The following SLC20A2 variants were observed in gnomAD, a reference collection of about 807,000 sequenced individuals.
SLC20A2 encodes solute carrier family 20 member 2, also known as sodium-dependent phosphate transporter 2.
SLC20A2 carries 30 observed loss-of-function variants against 61.0 expected under a neutral mutation model. The ratio of observed to expected loss-of-function variants is 0.49; its 90% CI spans 0.37 to 0.67. SLC20A2 has a LOEUF of 0.67. Ranked by LOEUF, SLC20A2 falls within the 30% of genes least tolerant of loss-of-function variation. The pLI, the probability that SLC20A2 is intolerant of heterozygous loss-of-function variation, is 0.00. For missense variants in SLC20A2, 626 were observed against 866.4 expected (o/e 0.72, Z 3.48); for synonymous variants, 351 against 353.3 (o/e 0.99, Z 0.07).
intron 1 of SLC20A2, among the ~76,000 whole-genome samples, chr8:42,534,471 T>C (rs1174494456): frequency 6.6e-6 from 1 of 152,130 alleles, no homozygotes; most frequent in Admixed American, 6.6e-5. Flanking sequence ...CATTTCCACC[T>C]AGAATATGAG....
In SLC20A2 at chr8:42,422,477, C is replaced by T. The variant is rs537426388; in HGVS notation, c.1795-4510G>A. Among the ~76,000 whole-genome samples the T allele has an allele frequency of 1.6e-4, 25 of 152,192 alleles. No homozygotes were observed. The East Asian group carries it at 3.3e-3, about 20-fold the overall frequency. ...TTTGGTATTAGGGTTATTCAGTGTA[C>T]GCCATAGCACAAATGGGAGAGGTTT... On this transcript the variant is annotated intron_variant, in intron 10 of 10. Coordinates refer to ENST00000520262, the MANE Select transcript of SLC20A2 (RefSeq NM_001257180.2).
In SLC20A2 at chr8:42,417,675, G is replaced by C. The variant is rs1478146261; in HGVS notation, c.*128C>G. On this transcript the variant is annotated 3_prime_UTR_variant, in exon 11 of 11. Coordinates refer to ENST00000520262, the MANE Select transcript of SLC20A2 (RefSeq NM_001257180.2). ...GTGTGGGATGGAGCCTCCTGGAAGG[G>C]AGGCAGAGAGCTGGTCATGAGAGAG... The C allele has an allele frequency of 3.0e-6, 3 of 1,004,022 alleles. No individual in the cohort carries two copies. The highest frequency in any genetic ancestry group is 2.3e-5 in the Admixed American group (1 of 44,180). 62.2% of individuals were successfully genotyped at this position (1,004,022 alleles called of 1,614,324 possible). A position where few individuals can be genotyped will look rare whatever the true frequency, so the allele number is the denominator to read the frequency against.
intron 1 of SLC20A2, among the ~76,000 whole-genome samples, chr8:42,513,909 G>C (rs1248967730): frequency 6.6e-6 from 1 of 152,160 alleles, no homozygotes; most frequent in African/African-American, 2.4e-5. Context: ...AGGCTCAGGG[G>C]TAGGAAACCA....
chr8:42,429,983 G>C, intron 9 of SLC20A2, 81 bp downstream of exon 9: 3 of 1,280,076 alleles, frequency 2.3e-6, no homozygotes, highest in Non-Finnish European at 3.2e-6. Context: ...TGCTGAGCAG[G>C]CCGTTCAGAC....
At chr8:42,511,481 G>C (rs932533390) in intron 1 of SLC20A2, among the ~76,000 whole-genome samples, 8 of 152,040 alleles carry the variant, frequency 5.3e-5, no homozygotes, top group African/African-American at 1.9e-4. Flanking sequence ...ACAAAAATTA[G>C]CTGGGCGTGG....
In SLC20A2 at chr8:42,460,542, G is replaced by A. The variant is rs537808902; in HGVS notation, c.517-550C>T. On this transcript the variant is annotated intron_variant, in intron 4 of 10. Coordinates refer to ENST00000520262, the MANE Select transcript of SLC20A2 (RefSeq NM_001257180.2). ...ATGTTACCATGTGCTATGAATTTCC[G>A]AATCTTTTCCCAAGGTATAGTATTT... is the stretch of plus-strand genomic sequence containing the variant. 7.2e-5 allele frequency among the ~76,000 whole-genome samples: 11 copies of A among 152,264 alleles called. No homozygotes were observed. The South Asian group carries it at 1.2e-3, about 17-fold the overall frequency.
rs972531844 is a variant in SLC20A2 at position 42,437,558 on chromosome 8, G to C, written c.954C>G (p.Thr318=). 4.4e-6 allele frequency: 7 copies of C among 1,608,560 alleles called. No homozygotes were observed. The Admixed American group carries it at 6.8e-5, about 16-fold the overall frequency. The change falls in exon 8 of 11, where the codon ACC becomes ACG. Residue 318 remains threonine (T), a synonymous_variant. Transcript: ENST00000520262. The surrounding 1 kb of genome is among the most constrained non-coding windows in gnomAD (Gnocchi z 6.4). ...RAAYGRALSM[T]HGSVKSPISN... ...AGATGGGCGATTTCACAGAGCCATG[G>C]GTCATGGACAGTGCTCTTCCTGAAA...
Position 42,472,384 on chromosome 8 carries a change from T to C in SLC20A2, c.7A>G (p.Met3Val), listed in dbSNP as rs1586141141. 1 of 1,608,536 alleles carries C rather than the reference T, an allele frequency of 6.2e-7. No homozygotes were observed. The change falls in exon 2 of 11, where the codon ATG becomes GTG. Residue 3 changes from methionine to valine, a missense_variant. Around this residue, in one of 3 missense-constraint regions of SLC20A2, gnomAD observed 127 missense variants for 215.4 expected, o/e 0.59. Transcript: ENST00000520262. This position sits in a 1 kb window ranked among gnomAD's most constrained non-coding sequence, Gnocchi z 4.1. ...ATGACCATCCACAAATACTCATCCA[T>C]GGCCATTTTGGAAAGTGGGTGCCGG... MAMDEYLWMVILG... is the reference protein window; with the variant it reads MAVDEYLWMVILG...
intron 10 of SLC20A2, among the ~76,000 whole-genome samples, chr8:42,418,698 C>A (rs1370795511): frequency 6.7e-6 from 1 of 150,360 alleles, no homozygotes; most frequent in Non-Finnish European, 1.5e-5. Context: ...TGGATTTTGG[C>A]TTTAAAAATA....
At chr8:42,473,512 C>T (rs890898719) in intron 1 of SLC20A2, among the ~76,000 whole-genome samples, 18 of 152,182 alleles carry the variant, frequency 1.2e-4, no homozygotes, top group Admixed American at 7.9e-4. Context: ...ACAGCTCCCT[C>T]CTCCCTGCAT....
chr8:42,459,840 T>C, intron 5 of SLC20A2, 56 bp downstream of exon 5: 1 of 1,126,266 alleles, frequency 8.9e-7, no homozygotes, highest in Non-Finnish European at 1.3e-6. Flanking sequence ...AATAAACTGA[T>C]ACTGTTAGAA....
chr8:42,518,234 C>A (rs1811439412), intron 1 of SLC20A2, among the ~76,000 whole-genome samples: 1 of 152,178 alleles, frequency 6.6e-6, no homozygotes, highest in Non-Finnish European at 1.5e-5. Context: ...GCCACCACGC[C>A]CAGACAACTT....
At chr8:42,490,691 T>C (rs1017008846) in intron 1 of SLC20A2, among the ~76,000 whole-genome samples, 6 of 152,114 alleles carry the variant, frequency 3.9e-5, no homozygotes, top group African/African-American at 1.4e-4. Flanking sequence ...AAAGATGAGG[T>C]GGAAACCAAA....
chr8:42,459,235 C>CAAAAAAAAAAAAAAA (rs756966778), intron 5 of SLC20A2, among the ~76,000 whole-genome samples: 78 of 35,946 alleles, frequency 2.2e-3, no homozygotes, highest in Non-Finnish European at 4.2e-3. Context: ...GACTCTATCT[C>CAAAAAAAAAAAAAAA]AAAAAAAAAA....
At chr8:42,450,180 A>AT (rs1805525897) in intron 5 of SLC20A2, among the ~76,000 whole-genome samples, 1 of 151,368 alleles carries the variant, frequency 6.6e-6, no homozygotes, top group South Asian at 2.1e-4. Flanking sequence ...ATAAGTAAAA[A>AT]ATATATATAT....
chr8:42,446,516 G>C (rs1805226565), intron 5 of SLC20A2, among the ~76,000 whole-genome samples: 1 of 152,222 alleles, frequency 6.6e-6, no homozygotes, highest in Non-Finnish European at 1.5e-5. Flanking sequence ...TTATGAAAAT[G>C]TGAAGTAATT....
At chr8:42,465,552 G>T (rs533600453) in intron 3 of SLC20A2, among the ~76,000 whole-genome samples, 1 of 151,710 alleles carries the variant, frequency 6.6e-6, no homozygotes, top group Non-Finnish European at 1.5e-5. Context: ...ATTAGCAGGC[G>T]TGGTAGGAGG....
At chr8:42,514,506 C>T (rs1811208243) in intron 1 of SLC20A2, among the ~76,000 whole-genome samples, 1 of 152,054 alleles carries the variant, frequency 6.6e-6, no homozygotes, top group South Asian at 2.1e-4. Flanking sequence ...GCCTGTAATC[C>T]CGGCACTTTG....
chr8:42,464,443 G>A (rs1260186141), intron 3 of SLC20A2, among the ~76,000 whole-genome samples: 1 of 151,796 alleles, frequency 6.6e-6, no homozygotes, highest in Non-Finnish European at 1.5e-5. Context: ...TTGAAGGCAG[G>A]GACATAACAC....
Sources: gnomAD v4.1 joint callset for allele counts (sites outside exome capture counted in the v4.1 genomes callset) on GRCh38, gnomAD v4.1.1 for gene constraint, gnomAD v4.1.1 regional missense constraint, Gnocchi (gnomAD v3.1) non-coding constraint, MANE v1.5 for transcripts, NCBI Gene and HGNC (gene_info 2026-07-23, HGNC 2026-07-21) for gene names.